The following KIAA1671 variants were observed in gnomAD, a reference collection of about 807,000 sequenced individuals.
KIAA1671 encodes the protein uncharacterized protein KIAA1671.
KIAA1671 carries 52 observed loss-of-function variants against 131.2 expected under a neutral mutation model. The observed-to-expected ratio is 0.40, with a 90% CI of 0.32 to 0.50. KIAA1671 has a LOEUF of 0.50. KIAA1671 is among the 20% of genes least tolerant of loss of function. KIAA1671 has a pLI of 0.73. For synonymous variants in KIAA1671, 1,003 were observed against 961.6 expected (o/e 1.04, Z -0.80); for missense variants, 2,360 against 2,364.2 (o/e 1.00, Z 0.04).
rs576566444 is a variant in KIAA1671 at position 25,068,440 on chromosome 22, G to T, written c.4530+19076G>T. Among the ~76,000 whole-genome samples the T allele has an allele frequency of 3.0e-3, 451 of 151,424 alleles. 1 individual carries two copies. Among genetic ancestry groups the T allele is most frequent in the African/African-American group, 9.6e-3 (398 of 41,278 alleles). Reference sequence around the variant, plus strand: ...CCCTCTCCTTGTTTTTTGTTTTTTTGTTGTTTTTTTTTTTGAGACAGAGCC... The same window carrying T: ...CCCTCTCCTTGTTTTTTGTTTTTTTTTTGTTTTTTTTTTTGAGACAGAGCC... On this transcript the variant is annotated intron_variant, in intron 6 of 12. Transcript: ENST00000358431.
At chr22:25,190,612 A>C in intron 11 of KIAA1671, 90 bp from the exon 12 acceptor site, 4 of 1,097,608 alleles carry the variant, frequency 3.6e-6, no homozygotes, top group Non-Finnish European at 5.4e-6. Flanking sequence ...GCCTGGGCCC[A>C]GGGATAGACA....
intron 6 of KIAA1671, among the ~76,000 whole-genome samples, chr22:25,123,670 C>A (rs1433722356): frequency 6.6e-6 from 1 of 152,170 alleles, no homozygotes; most frequent in Non-Finnish European, 1.5e-5. Flanking sequence ...ATCTGGCACA[C>A]AGGTGAGCTT....
chr22:25,080,377 C>T (rs1427782797), intron 6 of KIAA1671, among the ~76,000 whole-genome samples: 2 of 152,106 alleles, frequency 1.3e-5, no homozygotes, highest in African/African-American at 4.8e-5. Flanking sequence ...TGAGATTCCT[C>T]AGCCCCTTGG....
At chr22:25,076,391 A>G (rs1929109779) in intron 6 of KIAA1671, among the ~76,000 whole-genome samples, 1 of 152,118 alleles carries the variant, frequency 6.6e-6, no homozygotes, top group Admixed American at 6.6e-5. Context: ...AGTGGGGCCA[A>G]GCGTGGGCTG....
intron 3 of KIAA1671, 67 bp downstream of exon 3, chr22:25,029,607 A>G (rs1926162618): frequency 4.9e-6 from 6 of 1,215,022 alleles, no homozygotes; most frequent in Non-Finnish European, 6.7e-6. Context: ...AGACGGAACC[A>G]GGCTCCATGC....
At chr22:25,169,531 C>A (rs1933770096) in intron 6 of KIAA1671, among the ~76,000 whole-genome samples, 1 of 151,966 alleles carries the variant, frequency 6.6e-6, no homozygotes, top group Admixed American at 6.6e-5. Flanking sequence ...AAGGATTGGA[C>A]TTTTGGTTTT....
chr22:24,973,352 C>T (rs5996804), intron 1 of KIAA1671, among the ~76,000 whole-genome samples: 56,732 of 147,502 alleles, frequency 0.38, 11,862 homozygotes, highest in East Asian at 0.67. Context: ...TCCCTGCTCT[C>T]GCTCCTCTCA....
At chr22:25,187,906 A>G (rs113047613) in intron 11 of KIAA1671, among the ~76,000 whole-genome samples, 9 of 152,344 alleles carry the variant, frequency 5.9e-5, no homozygotes, top group African/African-American at 2.2e-4. Context: ...AAGTAGTACC[A>G]TGTAGATGGT....
intron 6 of KIAA1671, among the ~76,000 whole-genome samples, chr22:25,119,793 C>G (rs1044977763): frequency 6.6e-6 from 1 of 152,164 alleles, no homozygotes; most frequent in Non-Finnish European, 1.5e-5. Context: ...TGCAAAGGCC[C>G]TGAGGCAGGT....
chr22:24,971,537 G>A (rs1922614595), intron 1 of KIAA1671, among the ~76,000 whole-genome samples: 1 of 152,140 alleles, frequency 6.6e-6, no homozygotes, highest in Admixed American at 6.5e-5. Flanking sequence ...GATGCTCTGA[G>A]CCCTGTTTCT....
chr22:25,085,608 C>T (rs1929667085), intron 6 of KIAA1671, among the ~76,000 whole-genome samples: 1 of 149,576 alleles, frequency 6.7e-6, no homozygotes, highest in Non-Finnish European at 1.5e-5. Flanking sequence ...GTCCTCATGG[C>T]CCTGACAGGA....
intron 6 of KIAA1671, chr22:25,056,859 T>C (rs1445339203): frequency 1.3e-5 from 2 of 150,712 alleles, no homozygotes; most frequent in Non-Finnish European, 2.9e-5. Flanking sequence ...TGAGCTCCTA[T>C]GCACAAGGTG....
intron 1 of KIAA1671, among the ~76,000 whole-genome samples, chr22:24,998,868 A>G (rs1924285907): frequency 6.6e-6 from 1 of 151,408 alleles, no homozygotes; most frequent in South Asian, 2.1e-4. Flanking sequence ...GTTGTATTAT[A>G]TGCCATTATG....
chr22:25,070,088 G>T, intron 6 of KIAA1671: 1 of 340,564 alleles, frequency 2.9e-6, no homozygotes, highest in Non-Finnish European at 5.3e-6. Flanking sequence ...CAGGCAGCTG[G>T]GTTCAGAAGG....
rs1347099087 is a variant in KIAA1671 at position 25,185,113 on chromosome 22, A to T, written c.5336A>T (p.Asp1779Val). 6.5e-7 allele frequency: 1 copy of T among 1,549,726 alleles called. No homozygotes were observed. Among genetic ancestry groups the T allele is most frequent in the Non-Finnish European group, 8.7e-7 (1 of 1,145,798 alleles). Residue 1779 changes from aspartate (D) to valine (V), a missense_variant, in exon 11 of 13, where the codon GAT (aspartate) becomes GTT (valine). Physicochemically the swap from Asp to Val is radical, Grantham distance 152. Transcript: ENST00000358431. ...SRVLPSSMDK[D>V]ERSDEPSPQW... ...GTGCTGCCTTCCAGCATGGACAAGG[A>T]TGAGAGGTGAGGGGTCTTGGGGAAT...
rs9612821 is a variant in KIAA1671, at chr22:24,966,967, C to T, written c.-208+14195C>T. 5.2e-3 allele frequency among the ~76,000 whole-genome samples: 795 copies of T among 152,172 alleles called. 4 individuals are homozygous for T. The highest frequency in any genetic ancestry group is 6.1e-3 in the Non-Finnish European group (418 of 68,012). ...CAAGAGCCTGTCACAAATGAATGAA[C>T]GAATGAATGAATGGGTTCTAGGCCT... On this transcript the variant is annotated intron_variant, in intron 1 of 12. Coordinates refer to ENST00000358431, the MANE Select transcript of KIAA1671 (RefSeq NM_001145206.2).
rs140105103 is a variant in KIAA1671, at chr22:25,071,185, G to C, written c.4530+21821G>C. ...GAATAGAGGGACTTACCGAAGAATT[G>C]TCATGGGCTGGTCTCAGAGTTTTCC... On this transcript the variant is annotated intron_variant, in intron 6 of 12. Transcript: ENST00000358431. Among the ~76,000 whole-genome samples, 1,048 of 152,332 alleles carry C rather than the reference G, an allele frequency of 6.9e-3. 18 individuals carry two copies. Among genetic ancestry groups the C allele is most frequent in the African/African-American group, 0.024 (993 of 41,572 alleles).
At chr22:25,169,573 CA>C (rs1283812020) in intron 6 of KIAA1671, among the ~76,000 whole-genome samples, 1 of 152,240 alleles carries the variant, frequency 6.6e-6, no homozygotes, top group East Asian at 1.9e-4. Context: ...CCCCACTCAA[CA>C]AAGCACAAGC....
intron 1 of KIAA1671, among the ~76,000 whole-genome samples, chr22:24,956,648 C>T (rs573236947): frequency 1.3e-5 from 2 of 152,180 alleles, no homozygotes; most frequent in East Asian, 1.9e-4. Flanking sequence ...GGATGGATCA[C>T]GAGATCAGGA....
Sources: gnomAD v4.1 joint callset for allele counts (sites outside exome capture counted in the v4.1 genomes callset) on GRCh38, gnomAD v4.1.1 for gene constraint, MANE v1.5 for transcripts, NCBI Gene and HGNC (gene_info 2026-07-23, HGNC 2026-07-21) for gene names.